FHIT: variants seen among roughly 807,000 people sequenced by gnomAD.
FHIT encodes bis(5'-adenosyl)-triphosphatase.
A neutral mutation model predicts 17.9 loss-of-function variants in FHIT; 19 were observed. The observed-to-expected ratio is 1.06, with a 90% CI of 0.74 to 1.56. The LOEUF is 1.56. Among genes scored for constraint, FHIT ranks in the 40% most tolerant of loss-of-function variants. The probability of loss-of-function intolerance (pLI) is 0.00; values close to 1 mark genes in which losing one functional copy is unlikely to be tolerated. For missense variants in FHIT, 248 were observed against 189.2 expected, an observed-to-expected ratio of 1.31 and a Z score of -1.82; for synonymous variants, 81 against 69.7, an observed-to-expected ratio of 1.16 and a Z score of -0.81.
rs376596787 is a variant in FHIT, at chr3:60,542,945, C to T, written c.-17-5966G>A. Among the ~76,000 whole-genome samples, 127 of 152,198 alleles carry T rather than the reference C, an allele frequency of 8.3e-4. 2 individuals are homozygous for T. In the South Asian group the frequency reaches 0.025, roughly 30 times the overall value. The stretch of plus-strand genomic sequence containing the variant: ...TTGTTTATAGTATGAAATACAGAAA[C>T]GGCTTCATTTTTCTTTTTGTGAGCC... On this transcript the variant is annotated intron_variant, in intron 4 of 9. Transcript: ENST00000492590.
intron 3 of FHIT, among the ~76,000 whole-genome samples, chr3:60,859,861 TG>T (rs1281794184): frequency 6.9e-6 from 1 of 145,006 alleles, no homozygotes; most frequent in Non-Finnish European, 1.5e-5. Context: ...CTGGCCAACA[TG>T]GTGAAACCCT....
chr3:60,595,532 C>T (rs73093589), intron 4 of FHIT, among the ~76,000 whole-genome samples: 45 of 148,846 alleles, frequency 3.0e-4, no homozygotes, highest in African/African-American at 9.9e-4. Flanking sequence ...GACACACACA[C>T]ATATATATGT....
intron 5 of FHIT, among the ~76,000 whole-genome samples, chr3:60,041,998 A>C (rs1701459171): frequency 6.6e-6 from 1 of 151,940 alleles, no homozygotes; most frequent in East Asian, 1.9e-4. Context: ...AAAAAATAAT[A>C]CTCCTTATTT....
At chr3:60,802,273 C>G (rs1397929715) in intron 4 of FHIT, among the ~76,000 whole-genome samples, 1 of 152,194 alleles carries the variant, frequency 6.6e-6, no homozygotes, top group African/African-American at 2.4e-5. Context: ...CTGGATCAAG[C>G]CATGGGCCAT....
At chr3:59,981,318 G>A (rs1035854903) in intron 7 of FHIT, among the ~76,000 whole-genome samples, 5 of 152,096 alleles carry the variant, frequency 3.3e-5, no homozygotes, top group Non-Finnish European at 7.4e-5. Context: ...ACTGAACGCT[G>A]TCCTGTCTTG....
At chr3:61,223,976 T>A (rs1482658959) in intron 1 of FHIT, among the ~76,000 whole-genome samples, 1 of 152,180 alleles carries the variant, frequency 6.6e-6, no homozygotes, top group Admixed American at 6.5e-5. Context: ...TTCCCATTGC[T>A]CCTCTATGGG....
At chr3:60,876,441 T>A (rs982996305) in intron 3 of FHIT, among the ~76,000 whole-genome samples, 24 of 152,338 alleles carry the variant, frequency 1.6e-4, no homozygotes, top group Middle Eastern at 3.4e-3. Flanking sequence ...TTATTCTTTA[T>A]GAGTCTAGTA....
intron 3 of FHIT, among the ~76,000 whole-genome samples, chr3:60,897,038 G>A (rs1553762129): frequency 3.3e-5 from 5 of 152,040 alleles, no homozygotes; most frequent in Non-Finnish European, 1.5e-5. Flanking sequence ...CTTTCTACCT[G>A]AAATGCAGCA....
At chr3:60,185,511 C>T (rs540608244) in intron 5 of FHIT, among the ~76,000 whole-genome samples, 2 of 152,258 alleles carry the variant, frequency 1.3e-5, no homozygotes, top group East Asian at 3.9e-4. Flanking sequence ...CTTGTTTATT[C>T]ATTCACTTAT....
intron 5 of FHIT, among the ~76,000 whole-genome samples, chr3:60,477,856 T>C (rs1479476761): frequency 6.6e-6 from 1 of 152,256 alleles, no homozygotes; most frequent in Admixed American, 6.5e-5. Flanking sequence ...TTCTCTAATA[T>C]GATAGGGAGC....
chr3:60,520,811 T>A (rs1378288177), intron 5 of FHIT, among the ~76,000 whole-genome samples: 1 of 152,138 alleles, frequency 6.6e-6, no homozygotes, highest in Non-Finnish European at 1.5e-5. Context: ...GAGGGTTTAA[T>A]TTAAAACCAC....
chr3:60,663,858 T>C (rs1392805469), intron 4 of FHIT, among the ~76,000 whole-genome samples: 1 of 152,258 alleles, frequency 6.6e-6, no homozygotes, highest in Non-Finnish European at 1.5e-5. Context: ...GTATGCATCC[T>C]GCACCCTTGC....
At chr3:60,999,923 T>C (rs2030949445) in intron 3 of FHIT, among the ~76,000 whole-genome samples, 1 of 152,146 alleles carries the variant, frequency 6.6e-6, no homozygotes, top group Non-Finnish European at 1.5e-5. Context: ...ATGGCTTCTG[T>C]CTGTCCTCAC....
chr3:60,843,576 A>C (rs1193268072), intron 3 of FHIT, among the ~76,000 whole-genome samples: 1 of 152,162 alleles, frequency 6.6e-6, no homozygotes. Flanking sequence ...ACTTTTGAGC[A>C]TTTGCTCCCA....
chr3:60,635,573 C>T (rs1205827643), intron 4 of FHIT, among the ~76,000 whole-genome samples: 3 of 152,166 alleles, frequency 2.0e-5, no homozygotes, highest in Non-Finnish European at 4.4e-5. Flanking sequence ...TATCTTACTC[C>T]ATGTCCCATG....
At chr3:60,015,467 C>G (rs566868502) in intron 5 of FHIT, among the ~76,000 whole-genome samples, 3 of 152,336 alleles carry the variant, frequency 2.0e-5, no homozygotes, top group Admixed American at 2.0e-4. Flanking sequence ...CCATCTTTGG[C>G]AGGCCCGCTT....
intron 7 of FHIT, among the ~76,000 whole-genome samples, chr3:59,995,266 C>G (rs1231344967): frequency 6.6e-6 from 1 of 152,006 alleles, no homozygotes; most frequent in East Asian, 1.9e-4. Context: ...TCAATTCTAA[C>G]TCTATCTCCA....
At chr3:60,952,456 C>G (rs1437198331) in intron 3 of FHIT, among the ~76,000 whole-genome samples, 1 of 152,174 alleles carries the variant, frequency 6.6e-6, no homozygotes, top group Non-Finnish European at 1.5e-5. Flanking sequence ...GGAGTTAGGG[C>G]TTTGGATCAT....
chr3:60,668,747 A>G (rs1156593906), intron 4 of FHIT, among the ~76,000 whole-genome samples: 2 of 151,808 alleles, frequency 1.3e-5, no homozygotes, highest in Non-Finnish European at 2.9e-5. Context: ...TTGTATTTTT[A>G]GTAGAGACGG....
Sources: gnomAD v4.1 joint callset for allele counts (sites outside exome capture counted in the v4.1 genomes callset) on GRCh38, gnomAD v4.1.1 for gene constraint, MANE v1.5 for transcripts, NCBI Gene and HGNC (gene_info 2026-07-23, HGNC 2026-07-21) for gene names.